Variants in ALG1L2 observed in about 807,000 individuals in gnomAD.
The protein encoded by ALG1L2 is putative glycosyltransferase ALG1L2.
A neutral mutation model predicts 29.0 loss-of-function variants in ALG1L2; 32 were observed. The observed-to-expected ratio is 1.10, with a 90% confidence interval of 0.83 to 1.48. ALG1L2 has a LOEUF of 1.48. Among genes scored for constraint, ALG1L2 ranks in the 40% most tolerant of loss-of-function variants. The probability of loss-of-function intolerance (pLI) is 0.00; values close to 1 mark genes in which losing one functional copy is unlikely to be tolerated. For synonymous variants in ALG1L2, 110 were observed against 109.5 expected, an observed-to-expected ratio of 1.00 and a Z score of -0.03; for missense variants, 318 against 274.1, an observed-to-expected ratio of 1.16 and a Z score of -1.13.
In ALG1L2 at chr3:130,096,310, G is replaced by C. The variant is rs572766594; in HGVS notation, c.539+147G>C. ...GGAGGCCACGAGGAGGAGCCCTGCG[G>C]TTACTGTGGCTGGGCTGAGCCTCAC... On this transcript the variant is annotated intron_variant, in intron 6 of 7. Coordinates refer to ENST00000425059, the MANE Select transcript of ALG1L2 (RefSeq NM_001136152.1). The C allele has an allele frequency of 1.3e-5, 11 of 854,292 alleles. No homozygotes were observed. The East Asian group carries it at 2.9e-4, about 22-fold the overall frequency. 52.9% of individuals were successfully genotyped at this position (854,292 alleles called of 1,614,324 possible). A position where few individuals can be genotyped will look rare whatever the true frequency, so the allele number is the denominator to read the frequency against.
chr3:130,082,466 T>TAGCTGGGAC (rs1934808837), intron 1 of ALG1L2, among the ~76,000 whole-genome samples: 1 of 133,084 alleles, frequency 7.5e-6, no homozygotes, highest in Non-Finnish European at 1.7e-5. Context: ...GCCTCCCAAG[T>TAGCTGGGAC]AGCTGGGACT....
chr3:130,084,976 TG>T (rs1934861041), intron 1 of ALG1L2, among the ~76,000 whole-genome samples: 1 of 75,674 alleles, frequency 1.3e-5, no homozygotes. Flanking sequence ...TTATTTATTT[TG>T]AGACAGAATC....
intron 1 of ALG1L2, among the ~76,000 whole-genome samples, chr3:130,086,798 G>C (rs796260985): frequency 6.7e-6 from 1 of 149,216 alleles, no homozygotes; most frequent in Admixed American, 6.7e-5. Context: ...TGAAAGACCT[G>C]TCTACCACAG....
chr3:130,095,414 TATTATTA>T (rs1559788689), intron 5 of ALG1L2, among the ~76,000 whole-genome samples: 11 of 43,126 alleles, frequency 2.6e-4, no homozygotes, highest in Non-Finnish European at 4.5e-4. Flanking sequence ...TGTGGTTTAT[TATTATTA>T]TTATTATTAT....
In ALG1L2 at chr3:130,096,032, C is replaced by T. The variant is rs574078758; in HGVS notation, c.425-17C>T. Reference sequence around the variant, plus strand: ...GGCAGAGACCAGCGCTCTGGCCACACCCCTCTTGCCTAGCAGGGTCGGTGG... The same window carrying T: ...GGCAGAGACCAGCGCTCTGGCCACATCCCTCTTGCCTAGCAGGGTCGGTGG... On this transcript the variant is annotated splice_polypyrimidine_tract_variant and intron_variant, in intron 5 of 7. Coordinates refer to ENST00000425059, the MANE Select transcript of ALG1L2 (RefSeq NM_001136152.1). 1.7e-5 allele frequency: 28 copies of T among 1,602,722 alleles called. No homozygotes were observed. Among genetic ancestry groups the T allele is most frequent in the Non-Finnish European group, 2.4e-5 (28 of 1,174,622 alleles).
Position 130,085,526 on chromosome 3 carries a change from T to A in ALG1L2, c.20+3490T>A, listed in dbSNP as rs1268025636. On this transcript the variant is annotated intron_variant, in intron 1 of 7. Coordinates refer to ENST00000425059, the MANE Select transcript of ALG1L2 (RefSeq NM_001136152.1). ...TGCTAGGGTTACAGGCATGAGCCAC[T>A]GCACCTGGCCAATTTCCCCTTTCCA... Among the ~76,000 whole-genome samples the A allele has an allele frequency of 6.0e-5, 9 of 150,062 alleles. No homozygotes were observed. The East Asian group carries it at 1.8e-3, about 29-fold the overall frequency.
In ALG1L2 at chr3:130,094,875, G is replaced by A. The variant is rs192600563; in HGVS notation, c.424+362G>A. Among the ~76,000 whole-genome samples the A allele has an allele frequency of 2.7e-3, 405 of 152,316 alleles. 2 individuals are homozygous for A. The highest frequency in any genetic ancestry group is 9.5e-3 in the African/African-American group (394 of 41,582). The stretch of plus-strand genomic sequence containing the variant: ...CAGGGACGATGAGTCAGACAGCGTC[G>A]CCTCACCAGTGAGATGGTTCTCCTT... On this transcript the variant is annotated intron_variant, in intron 5 of 7. Coordinates refer to ENST00000425059, the MANE Select transcript of ALG1L2 (RefSeq NM_001136152.1).
chr3:130,090,092 A>G (rs1934983717), intron 1 of ALG1L2, among the ~76,000 whole-genome samples: 1 of 152,220 alleles, frequency 6.6e-6, no homozygotes, highest in Admixed American at 6.5e-5. Flanking sequence ...ACGGTGGCTC[A>G]TGCCTGTAAT....
chr3:130,090,153 C>T (rs1488897284), intron 1 of ALG1L2, among the ~76,000 whole-genome samples: 12 of 152,398 alleles, frequency 7.9e-5, no homozygotes, highest in Admixed American at 3.3e-4. Context: ...GTCAGCAGTT[C>T]GAGACCAGCC....
chr3:130,092,967 T>G (rs1185771622), intron 3 of ALG1L2, 134 bp from the exon 4 acceptor site: 2 of 861,594 alleles, frequency 2.3e-6, no homozygotes, highest in African/African-American at 1.8e-5. Context: ...GAGGCAGAGG[T>G]TGCAGTGAGC....
At chr3:130,083,800 C>T (rs1274892291) in intron 1 of ALG1L2, among the ~76,000 whole-genome samples, 25 of 143,214 alleles carry the variant, frequency 1.7e-4, no homozygotes, top group African/African-American at 6.1e-4. Flanking sequence ...ATAAGGGGGC[C>T]CATGTTTTCA....
intron 1 of ALG1L2, among the ~76,000 whole-genome samples, chr3:130,084,248 A>G (rs2108113891): frequency 6.6e-6 from 1 of 151,094 alleles, no homozygotes; most frequent in South Asian, 2.1e-4. Context: ...GCTCGAGGCC[A>G]GGAGTTCAAG....
chr3:130,082,343 A>ATGTTTTGTTTTGATTTGTTTTGTTT (rs1934805246), intron 1 of ALG1L2, among the ~76,000 whole-genome samples: 1 of 119,564 alleles, frequency 8.4e-6, no homozygotes, highest in Non-Finnish European at 1.9e-5. Context: ...GTGTGAATCT[A>ATGTTTTGTTTTGATTTGTTTTGTTT]TGTTTTGTTT....
intron 6 of ALG1L2, 44 bp downstream of exon 6, chr3:130,096,207 T>C (rs1935130710): frequency 6.3e-7 from 1 of 1,597,198 alleles, no homozygotes; most frequent in East Asian, 2.2e-5. Flanking sequence ...GCTTCACAGA[T>C]CCACCGCTGA....
rs1295209658 is a variant in ALG1L2 at position 130,086,998 on chromosome 3, C to A, written c.21-4263C>A. Among the ~76,000 whole-genome samples the A allele has an allele frequency of 9.2e-4, 139 of 151,114 alleles. 3 individuals are homozygous for A. The highest frequency in any genetic ancestry group is 1.8e-3 in the Non-Finnish European group (123 of 67,356). On this transcript the variant is annotated intron_variant, in intron 1 of 7. Transcript: ENST00000425059. Reference sequence around the variant, plus strand: ...CAGGTTCCAGAACCTTCCTTTCTTTCTTCTCTTCTGCTTTAAGGCTTGCTT... The same window carrying A: ...CAGGTTCCAGAACCTTCCTTTCTTTATTCTCTTCTGCTTTAAGGCTTGCTT...
intron 1 of ALG1L2, among the ~76,000 whole-genome samples, chr3:130,084,948 T>TTTATTTA (rs1559784424): frequency 4.9e-5 from 3 of 61,228 alleles, no homozygotes; most frequent in Non-Finnish European, 1.2e-4. Context: ...ATATATATAA[T>TTTATTTA]TTTATTTATT....
At position 130,094,480 on chromosome 3, in the gene ALG1L2, T is replaced by G; in HGVS notation, c.391T>G (p.Trp131Gly). 1 of 1,583,064 alleles carries G rather than the reference T, an allele frequency of 6.3e-7. No individual in the cohort carries two copies. Among genetic ancestry groups the G allele is most frequent in the Non-Finnish European group, 8.5e-7 (1 of 1,175,420 alleles). Residue 131 changes from tryptophan (W) to glycine (G), a missense_variant, in exon 5 of 8, where the codon TGG (tryptophan) becomes GGG (glycine). By Grantham distance (184) the Trp-to-Gly change is radical. Transcript: ENST00000425059. ...CCAGCACATCCAGGTCTGCATCCCC[T>G]GGCTGGAGGGCCGAGGACTACCCCC... ...HFQHIQVCIP[W>G]LEGRGLPPLL...
chr3:130,083,642 T>C (rs1221303507), intron 1 of ALG1L2, among the ~76,000 whole-genome samples: 1 of 131,800 alleles, frequency 7.6e-6, no homozygotes, highest in East Asian at 2.1e-4. Context: ...TCCATGCTAG[T>C]AATTTAAAAT....
At chr3:130,090,966 C>T (rs1282286044) in intron 1 of ALG1L2, 1 of 398,168 alleles carries the variant, frequency 2.5e-6, no homozygotes, top group Admixed American at 3.7e-5. Context: ...CAGTGCAGAG[C>T]CATGTGTGTC....
Sources: allele counts gnomAD v4.1 joint callset (sites outside exome capture counted in the v4.1 genomes callset), GRCh38; gene constraint gnomAD v4.1.1; transcripts MANE v1.5; gene names NCBI Gene and HGNC (gene_info 2026-07-23, HGNC 2026-07-21).